EXOC6B: variants seen among roughly 807,000 people sequenced by gnomAD.
EXOC6B encodes the protein exocyst complex component 6B.
Under a neutral mutation model 113.5 loss-of-function variants are expected in EXOC6B, and 54 were observed. That is an observed-to-expected ratio of 0.48 (90% CI 0.38 to 0.60). The LOEUF (loss-of-function observed/expected upper bound fraction) is 0.60. EXOC6B is among the 20% of genes least tolerant of loss of function. The pLI, the probability that EXOC6B is intolerant of heterozygous loss-of-function variation, is 0.00. For missense variants in EXOC6B, 797 were observed against 977.5 expected (o/e 0.82, Z 2.46); for synonymous variants, 357 against 339.0 (o/e 1.05, Z -0.58).
At chr2:72,348,682 T>C (rs1689475262) in intron 19 of EXOC6B, among the ~76,000 whole-genome samples, 1 of 152,182 alleles carries the variant, frequency 6.6e-6, no homozygotes, top group South Asian at 2.1e-4. Context: ...CAGCCAATGA[T>C]GACAGTAGCA....
intron 6 of EXOC6B, among the ~76,000 whole-genome samples, chr2:72,691,711 C>G (rs187516765): frequency 7.3e-6 from 1 of 137,634 alleles, no homozygotes; most frequent in South Asian, 2.3e-4. Flanking sequence ...GATGGAGTTT[C>G]GCCCTTGTCG....
At chr2:72,630,080 T>C (rs1002242924) in intron 6 of EXOC6B, among the ~76,000 whole-genome samples, 12 of 152,210 alleles carry the variant, frequency 7.9e-5, no homozygotes, top group Admixed American at 2.0e-4. Flanking sequence ...TAGCATTATA[T>C]AGGCCAAGCC....
intron 20 of EXOC6B, among the ~76,000 whole-genome samples, chr2:72,209,420 G>A (rs541453851): frequency 1.3e-5 from 2 of 151,872 alleles, no homozygotes; most frequent in South Asian, 4.2e-4. Context: ...AGGCTGAGGT[G>A]GGAGGATGGC....
intron 8 of EXOC6B, among the ~76,000 whole-genome samples, chr2:72,557,692 A>C (rs895990648): frequency 6.6e-6 from 1 of 152,140 alleles, no homozygotes; most frequent in Non-Finnish European, 1.5e-5. Flanking sequence ...AGCAGAAAAG[A>C]TAATTTTTGG....
chr2:72,567,628 T>A (rs1417234235), intron 7 of EXOC6B, among the ~76,000 whole-genome samples: 1 of 152,044 alleles, frequency 6.6e-6, no homozygotes, highest in Non-Finnish European at 1.5e-5. Context: ...AAATTAGAAC[T>A]CTCTGAAGAA....
intron 19 of EXOC6B, among the ~76,000 whole-genome samples, chr2:72,365,890 A>G (rs1690595353): frequency 6.6e-6 from 1 of 152,176 alleles, no homozygotes; most frequent in Admixed American, 6.6e-5. Context: ...CTGGTGACAA[A>G]TTAGACCTAG....
At chr2:72,569,466 C>T (rs1347990606) in intron 7 of EXOC6B, among the ~76,000 whole-genome samples, 1 of 152,062 alleles carries the variant, frequency 6.6e-6, no homozygotes, top group Non-Finnish European at 1.5e-5. Context: ...GGCAACACTG[C>T]TACTCAAGGC....
intron 17 of EXOC6B, among the ~76,000 whole-genome samples, chr2:72,476,114 C>A (rs913614611): frequency 6.6e-6 from 1 of 152,200 alleles, no homozygotes; most frequent in South Asian, 2.1e-4. Flanking sequence ...AGTGCCATCA[C>A]ACAATCTCTC....
At chr2:72,751,928 T>A (rs1040078287) in intron 1 of EXOC6B, among the ~76,000 whole-genome samples, 2 of 152,186 alleles carry the variant, frequency 1.3e-5, no homozygotes, top group African/African-American at 4.8e-5. Context: ...CAGTTACATC[T>A]ATCAAACATT....
chr2:72,312,821 A>G (rs928755329), intron 20 of EXOC6B, among the ~76,000 whole-genome samples: 8 of 151,830 alleles, frequency 5.3e-5, no homozygotes, highest in Non-Finnish European at 8.8e-5. Context: ...AAAACAAAAA[A>G]CAAAGTGAAA....
chr2:72,802,627 T>A (rs532832578), intron 1 of EXOC6B, among the ~76,000 whole-genome samples: 1 of 152,342 alleles, frequency 6.6e-6, no homozygotes, highest in East Asian at 1.9e-4. Flanking sequence ...TTAAATTGTG[T>A]TACTATATAG....
intron 20 of EXOC6B, among the ~76,000 whole-genome samples, chr2:72,328,814 C>T (rs1688278060): frequency 6.6e-6 from 1 of 152,104 alleles, no homozygotes; most frequent in African/African-American, 2.4e-5. Context: ...ACATGCTACT[C>T]TATCAGTGGT....
chr2:72,596,100 T>C (rs1176473922), intron 6 of EXOC6B, among the ~76,000 whole-genome samples: 1 of 152,132 alleles, frequency 6.6e-6, no homozygotes, highest in East Asian at 1.9e-4. Flanking sequence ...GAATGAGTTC[T>C]AAAAATAGTA....
intron 8 of EXOC6B, among the ~76,000 whole-genome samples, chr2:72,536,072 T>C (rs947091436): frequency 6.6e-6 from 1 of 152,068 alleles, no homozygotes; most frequent in Non-Finnish European, 1.5e-5. Flanking sequence ...GGGAGTCACA[T>C]ATAAAGGATT....
chr2:72,394,660 A>G (rs1252085286), intron 18 of EXOC6B, among the ~76,000 whole-genome samples: 1 of 152,190 alleles, frequency 6.6e-6, no homozygotes, highest in Admixed American at 6.5e-5. Flanking sequence ...CTCATTAACA[A>G]AGACATGTCT....
At chr2:72,548,833 A>C (rs1200403625) in intron 8 of EXOC6B, among the ~76,000 whole-genome samples, 1 of 152,150 alleles carries the variant, frequency 6.6e-6, no homozygotes, top group Non-Finnish European at 1.5e-5. Flanking sequence ...ATAAATATAC[A>C]CTGAATCCTA....
chr2:72,476,576 G>A (rs547163122), intron 17 of EXOC6B, among the ~76,000 whole-genome samples: 1 of 152,260 alleles, frequency 6.6e-6, no homozygotes, highest in Non-Finnish European at 1.5e-5. Context: ...TCTGAACTGT[G>A]AGTAATTGTG....
At chr2:72,522,112 A>C (rs915331320) in intron 8 of EXOC6B, among the ~76,000 whole-genome samples, 9 of 152,334 alleles carry the variant, frequency 5.9e-5, no homozygotes, top group African/African-American at 2.2e-4. Flanking sequence ...TTTAGTTAAA[A>C]AGAAATGATA....
chr2:72,519,932 A>C (rs567027746), intron 8 of EXOC6B, among the ~76,000 whole-genome samples: 297 of 152,332 alleles, frequency 1.9e-3, no homozygotes, highest in Non-Finnish European at 3.4e-3. Context: ...ACTCCAAAGG[A>C]CATGGGCCAT....
Sources: gnomAD v4.1 joint callset for allele counts (sites outside exome capture counted in the v4.1 genomes callset) on GRCh38, gnomAD v4.1.1 for gene constraint, MANE v1.5 for transcripts, NCBI Gene and HGNC (gene_info 2026-07-23, HGNC 2026-07-21) for gene names.